The following TMEM123 variants were observed in gnomAD, a reference collection of about 807,000 sequenced individuals.
The protein encoded by TMEM123 is porimin.
In TMEM123, 16 loss-of-function variants were observed where a neutral mutation model predicts 19.7. The ratio of observed to expected loss-of-function variants is 0.81; its 90% CI spans 0.55 to 1.23. TMEM123 has a LOEUF of 1.23. TMEM123 is among the 50% of genes most tolerant of loss of function. TMEM123 has a pLI of 0.00. For synonymous variants in TMEM123, 118 were observed against 99.4 expected (o/e 1.19, Z -1.12); for missense variants, 313 against 257.8 (o/e 1.21, Z -1.47).
intron 2 of TMEM123, among the ~76,000 whole-genome samples, chr11:102,426,210 C>G (rs942190821): frequency 2.6e-5 from 4 of 152,182 alleles, no homozygotes; most frequent in Non-Finnish European, 5.9e-5. Flanking sequence ...GTCTAAATAA[C>G]CATAGTATCC....
In TMEM123 at chr11:102,403,766, G is replaced by A. The variant is rs191287050; in HGVS notation, c.158-1560C>T. Among the ~76,000 whole-genome samples the A allele has an allele frequency of 1.4e-4, 22 of 152,278 alleles. 1 individual carries two copies. The highest frequency in any genetic ancestry group is 3.3e-4 in the Admixed American group (5 of 15,302). On this transcript the variant is annotated intron_variant, in intron 2 of 4. Coordinates refer to ENST00000398136, the MANE Select transcript of TMEM123 (RefSeq NM_052932.3). ...TCATAAATGGCTTGATGCCCTTCAC[G>A]TGGTAGTGAGTGAGTTCTCATTCTG...
chr11:102,438,630 A>C (rs1200452422), intron 2 of TMEM123, among the ~76,000 whole-genome samples: 2 of 152,232 alleles, frequency 1.3e-5, no homozygotes, highest in African/African-American at 4.8e-5. Context: ...GGGTTCCAAG[A>C]TGGCCGAATA....
rs1249776995 is a variant in TMEM123, at chr11:102,441,446, G to A, written c.157+7366C>T. Among the ~76,000 whole-genome samples the A allele has an allele frequency of 4.0e-5, 6 of 151,782 alleles. No individual in the cohort carries two copies. In the East Asian group the frequency reaches 9.6e-4, roughly 24 times the overall value. Reference sequence around the variant, plus strand: ...AACAACCTGCTCCTGAATGACTACTGGGTACATAACAAAATGAAGGCAGAA... The same window carrying A: ...AACAACCTGCTCCTGAATGACTACTAGGTACATAACAAAATGAAGGCAGAA... On this transcript the variant is annotated intron_variant, in intron 2 of 4. Coordinates refer to ENST00000398136, the MANE Select transcript of TMEM123 (RefSeq NM_052932.3).
rs1200206386 is a variant in TMEM123 at position 102,397,224 on chromosome 11, C to G, written c.*1643G>C. ...TCATCAGATTATTGGTTAAAATGCACAGCAAGTAGAAATGATCCATTTCAA... is the reference window on the plus strand; with the variant it reads ...TCATCAGATTATTGGTTAAAATGCAGAGCAAGTAGAAATGATCCATTTCAA... On this transcript the variant is annotated 3_prime_UTR_variant, in exon 5 of 5. Transcript: ENST00000398136. 6.6e-6 allele frequency: 1 copy of G among 152,134 alleles called. No individual in the cohort carries two copies. Among genetic ancestry groups the G allele is most frequent in the African/African-American group, 2.4e-5 (1 of 41,422 alleles). 9.4% of individuals were successfully genotyped at this position (152,134 alleles called of 1,614,324 possible).
chr11:102,448,972 G>A, intron 1 of TMEM123, 104 bp from the exon 2 acceptor site: 2 of 1,119,874 alleles, frequency 1.8e-6, no homozygotes, highest in African/African-American at 3.1e-5. Context: ...GGTGTCAGGA[G>A]GGTAGATTAT....
intron 2 of TMEM123, among the ~76,000 whole-genome samples, chr11:102,403,971 C>T (rs186893295): frequency 6.6e-6 from 1 of 152,312 alleles, no homozygotes; most frequent in East Asian, 1.9e-4. Flanking sequence ...CAGAACTTTC[C>T]CAGCCTGCAG....
At chr11:102,420,852 A>G (rs1388725003) in intron 2 of TMEM123, among the ~76,000 whole-genome samples, 1 of 152,192 alleles carries the variant, frequency 6.6e-6, no homozygotes, top group Non-Finnish European at 1.5e-5. Flanking sequence ...GTTCAAAACC[A>G]GCCTGGCCAA....
In TMEM123 at chr11:102,398,491, A is replaced by C; in HGVS notation, c.*376T>G. ...GCTACAAAAGATACCCAAAATCCTG[A>C]GTGCTGTGACAAACTTCTTATTTGT... On this transcript the variant is annotated 3_prime_UTR_variant, in exon 5 of 5. Coordinates refer to ENST00000398136, the MANE Select transcript of TMEM123 (RefSeq NM_052932.3). 1 of 409,832 alleles carries C rather than the reference A, an allele frequency of 2.4e-6. No homozygotes were observed. Among genetic ancestry groups the C allele is most frequent in the Non-Finnish European group, 4.3e-6 (1 of 234,012 alleles). The allele number at this position is 409,832 out of a possible 1,614,324, so 25.4% of individuals were successfully genotyped here.
At chr11:102,441,977 T>A (rs1591567051) in intron 2 of TMEM123, among the ~76,000 whole-genome samples, 1 of 152,138 alleles carries the variant, frequency 6.6e-6, no homozygotes, top group African/African-American at 2.4e-5. Context: ...CCTGGACACA[T>A]ACACCCTCCC....
At chr11:102,403,914 T>C (rs1241912198) in intron 2 of TMEM123, among the ~76,000 whole-genome samples, 3 of 152,194 alleles carry the variant, frequency 2.0e-5, no homozygotes, top group Non-Finnish European at 4.4e-5. Flanking sequence ...TTCTCGGCCA[T>C]GTTGTGGCAC....
At chr11:102,428,465 CTT>C (rs111246802) in intron 2 of TMEM123, among the ~76,000 whole-genome samples, 2 of 142,396 alleles carry the variant, frequency 1.4e-5, no homozygotes, top group Non-Finnish European at 1.5e-5. Flanking sequence ...CCACACCCAG[CTT>C]TTTTTTTTTT....
intron 3 of TMEM123, 51 bp downstream of exon 3, chr11:102,401,865 G>A (rs1248714199): frequency 1.9e-6 from 3 of 1,570,698 alleles, no homozygotes; most frequent in African/African-American, 2.7e-5. Context: ...CTTAAATGTG[G>A]CATTTAACTA....
intron 1 of TMEM123, among the ~76,000 whole-genome samples, chr11:102,449,821 T>C (rs1215214565): frequency 6.6e-6 from 1 of 152,222 alleles, no homozygotes; most frequent in African/African-American, 2.4e-5. Flanking sequence ...TCTAACCCTC[T>C]CAACAATTCT....
At chr11:102,421,462 A>C (rs928498500) in intron 2 of TMEM123, among the ~76,000 whole-genome samples, 9 of 152,186 alleles carry the variant, frequency 5.9e-5, no homozygotes, top group Non-Finnish European at 1.0e-4. Flanking sequence ...CAGCTGCCAC[A>C]TAAGAATTTG....
intron 1 of TMEM123, chr11:102,451,107 A>G (rs750454048): frequency 1.3e-5 from 2 of 152,218 alleles, no homozygotes; most frequent in Non-Finnish European, 2.9e-5. Flanking sequence ...AACCTCTAGT[A>G]AGACATTAAG....
At chr11:102,419,619 T>C (rs984640202) in intron 2 of TMEM123, among the ~76,000 whole-genome samples, 4 of 152,264 alleles carry the variant, frequency 2.6e-5, no homozygotes, top group Non-Finnish European at 5.9e-5. Flanking sequence ...ACTAGCATTA[T>C]ACCCTTGAAG....
chr11:102,445,324 T>A lies in TMEM123; in HGVS notation c.157+3488A>T, dbSNP rs550444718. Among the ~76,000 whole-genome samples, 2 of 148,696 alleles carry A rather than the reference T, an allele frequency of 1.3e-5. 1 individual carries two copies. Among genetic ancestry groups the A allele is most frequent in the South Asian group, 4.3e-4 (2 of 4,654 alleles). ...ATCTCTAGTTAAAAACTAGTATTGA[T>A]ATCTCTATGTCTCTCTGTGTATCTA... On this transcript the variant is annotated intron_variant, in intron 2 of 4. Coordinates refer to ENST00000398136, the MANE Select transcript of TMEM123 (RefSeq NM_052932.3).
At position 102,427,026 on chromosome 11, in the gene TMEM123, G is replaced by A. The variant is rs562595165; in HGVS notation, c.157+21786C>T. ...AAATGTATTACTGTCTATTACAGGA[G>A]AGAACTCTGAGATTAAGTTGCAGGG... On this transcript the variant is annotated intron_variant, in intron 2 of 4. Transcript: ENST00000398136. 3.3e-5 allele frequency among the ~76,000 whole-genome samples: 5 copies of A among 151,062 alleles called. No homozygotes were observed. The South Asian group carries it at 1.0e-3, about 32-fold the overall frequency.
intron 2 of TMEM123, among the ~76,000 whole-genome samples, chr11:102,415,645 A>G (rs1400958712): frequency 1.3e-5 from 2 of 152,190 alleles, no homozygotes; most frequent in African/African-American, 4.8e-5. Context: ...AAGCCACAAC[A>G]TATCAGAATC....
Sources: gnomAD v4.1 joint callset for allele counts (sites outside exome capture counted in the v4.1 genomes callset) on GRCh38, gnomAD v4.1.1 for gene constraint, MANE v1.5 for transcripts, NCBI Gene and HGNC (gene_info 2026-07-23, HGNC 2026-07-21) for gene names.